Variants in CTTNBP2 observed in about 807,000 individuals in gnomAD.
CTTNBP2 encodes the protein cortactin binding protein 2, also known as cortactin-binding protein 2.
In CTTNBP2, 108 loss-of-function variants were observed where a neutral mutation model predicts 156.9. The observed-to-expected ratio is 0.69, with a 90% CI of 0.59 to 0.81. The LOEUF (loss-of-function observed/expected upper bound fraction) is 0.81. Among genes scored for constraint, CTTNBP2 ranks in the 30% least tolerant of loss-of-function variants. CTTNBP2 has a pLI of 0.00. For missense variants in CTTNBP2, 1,924 were observed against 2,035.4 expected (o/e 0.95, Z 1.05); for synonymous variants, 767 against 751.8 (o/e 1.02, Z -0.33).
At chr7:117,812,171 T>C (rs1452449240) in intron 2 of CTTNBP2, among the ~76,000 whole-genome samples, 1 of 152,006 alleles carries the variant, frequency 6.6e-6, no homozygotes, top group Non-Finnish European at 1.5e-5. Context: ...CAAATGCAAT[T>C]TTCTATAATT....
chr7:117,774,885 A>G (rs1798011055), intron 8 of CTTNBP2, among the ~76,000 whole-genome samples: 1 of 152,182 alleles, frequency 6.6e-6, no homozygotes, highest in Admixed American at 6.5e-5. Flanking sequence ...CTTTTTACCA[A>G]TGCAATGACT....
intron 19 of CTTNBP2, among the ~76,000 whole-genome samples, chr7:117,723,738 G>A (rs908794455): frequency 2.7e-5 from 4 of 149,400 alleles, no homozygotes; most frequent in African/African-American, 5.0e-5. Context: ...ATATAAACTC[G>A]ATGACGGCAG....
At chr7:117,828,221 T>C (rs1339718157) in intron 2 of CTTNBP2, among the ~76,000 whole-genome samples, 1 of 152,184 alleles carries the variant, frequency 6.6e-6, no homozygotes, top group East Asian at 1.9e-4. Flanking sequence ...TACCTCCTGC[T>C]ACTCCCAGAG....
At chr7:117,764,066 C>T (rs1232422077) in intron 9 of CTTNBP2, among the ~76,000 whole-genome samples, 1 of 152,134 alleles carries the variant, frequency 6.6e-6, no homozygotes, top group Non-Finnish European at 1.5e-5. Context: ...TTCTCCAGCC[C>T]TGTGACTCCC....
chr7:117,802,230 A>C (rs1799660286), intron 3 of CTTNBP2, among the ~76,000 whole-genome samples: 1 of 151,864 alleles, frequency 6.6e-6, no homozygotes, highest in South Asian at 2.1e-4. Context: ...TTATATAAGA[A>C]ACAGATATAG....
At chr7:117,732,005 TTAA>T (rs2116469241) in intron 16 of CTTNBP2, among the ~76,000 whole-genome samples, 1 of 152,320 alleles carries the variant, frequency 6.6e-6, no homozygotes, top group South Asian at 2.1e-4. Flanking sequence ...TTTTTTTAAC[TTAA>T]TAAGAATGAC....
chr7:117,778,388 C>T (rs1472036961), intron 7 of CTTNBP2, among the ~76,000 whole-genome samples: 1 of 152,160 alleles, frequency 6.6e-6, no homozygotes. Context: ...AATGTTTCAA[C>T]TAAAATTATT....
At chr7:117,854,775 A>ATTTATTTATTT (rs1563070245) in intron 2 of CTTNBP2, among the ~76,000 whole-genome samples, 1 of 151,540 alleles carries the variant, frequency 6.6e-6, no homozygotes, top group African/African-American at 2.4e-5. Flanking sequence ...TGATTTAATT[A>ATTTATTTATTT]ATTAATTAAT....
At chr7:117,749,680 A>G (rs967220854) in intron 12 of CTTNBP2, among the ~76,000 whole-genome samples, 3 of 152,126 alleles carry the variant, frequency 2.0e-5, no homozygotes, top group African/African-American at 7.2e-5. Flanking sequence ...ATAAATGCCC[A>G]ATTTTCTAAG....
At chr7:117,737,138 T>C (rs1795749962) in intron 14 of CTTNBP2, among the ~76,000 whole-genome samples, 1 of 152,188 alleles carries the variant, frequency 6.6e-6, no homozygotes, top group Non-Finnish European at 1.5e-5. Context: ...CACTAGCATC[T>C]AGTGTGTGTC....
At chr7:117,722,257 G>T (rs1394085188) in intron 19 of CTTNBP2, among the ~76,000 whole-genome samples, 19 of 140,654 alleles carry the variant, frequency 1.4e-4, no homozygotes, top group Non-Finnish European at 2.8e-4. Flanking sequence ...TCCTGTGTTG[G>T]TTTTTTTTTT....
intron 14 of CTTNBP2, among the ~76,000 whole-genome samples, chr7:117,736,383 T>G (rs577028214): frequency 6.6e-6 from 1 of 151,868 alleles, no homozygotes; most frequent in South Asian, 2.1e-4. Context: ...CTGAGCCCAG[T>G]GAGCTGTGAC....
chr7:117,735,384 C>T lies in CTTNBP2; in HGVS notation c.3573G>A (p.Lys1191=), dbSNP rs1030748324. The T allele has an allele frequency of 5.0e-6, 8 of 1,613,496 alleles. No homozygotes were observed. ...LIPVKQSPSK[K]KIIIILENLE... Reference sequence around the variant, plus strand: ...AATTTTCTAAAATGATGATGATTTTCTTCTTACTGGGAGATTGTTTCACTG... The same window carrying T: ...AATTTTCTAAAATGATGATGATTTTTTTCTTACTGGGAGATTGTTTCACTG... Residue 1191 remains lysine (K), a synonymous_variant, in exon 15 of 23, where the codon AAG becomes AAA. Coordinates refer to ENST00000160373, the MANE Select transcript of CTTNBP2 (RefSeq NM_033427.3).
chr7:117,785,870 T>G (rs900145980), intron 4 of CTTNBP2, among the ~76,000 whole-genome samples: 1 of 152,206 alleles, frequency 6.6e-6, no homozygotes, highest in Non-Finnish European at 1.5e-5. Context: ...TTTACCTGCA[T>G]GTCCTTTCTT....
intron 2 of CTTNBP2, among the ~76,000 whole-genome samples, chr7:117,832,674 G>C (rs1355190317): frequency 6.6e-6 from 1 of 151,336 alleles, no homozygotes; most frequent in African/African-American, 2.4e-5. Context: ...TCTTTCCCAG[G>C]GAAACCAATT....
intron 20 of CTTNBP2, among the ~76,000 whole-genome samples, chr7:117,720,195 T>A (rs1197467382): frequency 1.3e-5 from 2 of 151,030 alleles, no homozygotes; most frequent in Non-Finnish European, 3.0e-5. Context: ...TTCTCTCTCT[T>A]TACCCTCCCC....
intron 2 of CTTNBP2, among the ~76,000 whole-genome samples, chr7:117,812,022 T>G (rs1343921161): frequency 6.6e-6 from 1 of 150,608 alleles, no homozygotes; most frequent in Non-Finnish European, 1.5e-5. Flanking sequence ...TCAAAAAACT[T>G]TAAAAGGCAT....
chr7:117,822,013 G>A lies in CTTNBP2; in HGVS notation c.190-11024C>T, dbSNP rs1373362848. Among the ~76,000 whole-genome samples, 3 of 152,108 alleles carry A rather than the reference G, an allele frequency of 2.0e-5. No homozygotes were observed. The East Asian group carries it at 5.8e-4, about 29-fold the overall frequency. On this transcript the variant is annotated intron_variant, in intron 2 of 22. Coordinates refer to ENST00000160373, the MANE Select transcript of CTTNBP2 (RefSeq NM_033427.3). ...AAAATGAGTTCACCCATTTACCAGG[G>A]AAACCATCTAGGCCTGAAATTTCCT...
intron 2 of CTTNBP2, among the ~76,000 whole-genome samples, chr7:117,853,634 T>C (rs1803073382): frequency 6.6e-6 from 1 of 152,204 alleles, no homozygotes; most frequent in Non-Finnish European, 1.5e-5. Flanking sequence ...ACAGTCCCCA[T>C]AATTGTGATC....
Sources: gnomAD v4.1 joint callset for allele counts (sites outside exome capture counted in the v4.1 genomes callset) on GRCh38, gnomAD v4.1.1 for gene constraint, MANE v1.5 for transcripts, NCBI Gene and HGNC (gene_info 2026-07-23, HGNC 2026-07-21) for gene names.